Variants in THSD7A observed in about 807,000 individuals in gnomAD.
The protein encoded by THSD7A is thrombospondin type 1 domain containing 7A.
In THSD7A, 96 loss-of-function variants were observed where a neutral mutation model predicts 231.3. That is an observed-to-expected ratio of 0.41 (90% CI 0.35 to 0.49). The LOEUF (loss-of-function observed/expected upper bound fraction) is 0.49, where lower values mean the gene tolerates loss of function less well. Ranked by LOEUF, THSD7A falls within the 20% of genes least tolerant of loss-of-function variation. THSD7A has a pLI of 0.05. For missense variants in THSD7A, 2,290 were observed against 2,070.2 expected (o/e 1.11, Z -2.06); for synonymous variants, 940 against 743.3 (o/e 1.26, Z -4.30).
intron 16 of THSD7A, among the ~76,000 whole-genome samples, chr7:11,418,772 TTAATGAGCCTG>T (rs1006736425): frequency 6.6e-6 from 1 of 152,160 alleles, no homozygotes; most frequent in Admixed American, 6.5e-5. Context: ...TGGTCATGTC[TTAATGAGCCTG>T]TAGCCTGAAA....
intron 1 of THSD7A, among the ~76,000 whole-genome samples, chr7:11,802,710 C>G (rs546730001): frequency 6.6e-6 from 1 of 152,186 alleles, no homozygotes; most frequent in East Asian, 1.9e-4. Flanking sequence ...AATTCTGTGT[C>G]TATATGTTTT....
At chr7:11,551,109 A>G (rs1229462900) in intron 4 of THSD7A, among the ~76,000 whole-genome samples, 2 of 152,150 alleles carry the variant, frequency 1.3e-5, no homozygotes, top group African/African-American at 2.4e-5. Context: ...CTCCTGATTC[A>G]ATAAGTTATC....
At chr7:11,828,407 T>G (rs2128188973) in intron 1 of THSD7A, among the ~76,000 whole-genome samples, 1 of 152,304 alleles carries the variant, frequency 6.6e-6, no homozygotes, top group South Asian at 2.1e-4. Flanking sequence ...CACCTCATCC[T>G]TCAAGACCCA....
intron 6 of THSD7A, among the ~76,000 whole-genome samples, chr7:11,483,620 T>C (rs1202761949): frequency 6.6e-6 from 1 of 152,212 alleles, no homozygotes; most frequent in Non-Finnish European, 1.5e-5. Context: ...TTTAATATTT[T>C]ACACTTGACA....
intron 4 of THSD7A, among the ~76,000 whole-genome samples, chr7:11,544,680 T>C (rs995285655): frequency 1.3e-5 from 2 of 152,192 alleles, no homozygotes; most frequent in African/African-American, 4.8e-5. Flanking sequence ...CAGTCATAAA[T>C]GCTATCTAAA....
intron 6 of THSD7A, among the ~76,000 whole-genome samples, chr7:11,507,790 A>C (rs893379359): frequency 4.6e-5 from 7 of 152,196 alleles, no homozygotes; most frequent in Non-Finnish European, 7.3e-5. Flanking sequence ...TTCACAACTT[A>C]TGGATGGGAA....
chr7:11,422,702 G>C (rs955987709), intron 16 of THSD7A, among the ~76,000 whole-genome samples: 10 of 152,020 alleles, frequency 6.6e-5, no homozygotes, highest in African/African-American at 2.4e-4. Context: ...GGCCAGGCTG[G>C]AGGGCAGTAG....
In THSD7A at chr7:11,636,082, G is replaced by T; in HGVS notation, c.1022+48C>A. On this transcript the variant is annotated intron_variant, in intron 2 of 27. Transcript: ENST00000423059. This position sits in a 1 kb window ranked among gnomAD's most constrained non-coding sequence, Gnocchi z 10.0. ...AGTACCGGATATCTTAGGTACTCAT[G>T]ATTCTTGACAGACAAGCCTGTGTAG... 1.3e-6 allele frequency: 2 copies of T among 1,519,564 alleles called. No homozygotes were observed. The highest frequency in any genetic ancestry group is 1.3e-5 in the South Asian group (1 of 79,112). The allele number at this position is 1,519,564 out of a possible 1,614,324, so 94.1% of individuals were successfully genotyped here.
At chr7:11,812,140 T>A (rs67373022) in intron 1 of THSD7A, among the ~76,000 whole-genome samples, 90,437 of 146,762 alleles carry the variant, frequency 0.62, 28,829 homozygotes, top group Middle Eastern at 0.7. Context: ...TGTGTGTGTG[T>A]GGGAGACAGA....
At chr7:11,776,271 G>A (rs766973091) in intron 1 of THSD7A, among the ~76,000 whole-genome samples, 4 of 152,150 alleles carry the variant, frequency 2.6e-5, no homozygotes, top group Non-Finnish European at 4.4e-5. Context: ...ATTTGTAGAA[G>A]TAGCTATTCT....
chr7:11,715,208 T>C (rs1478143779), intron 1 of THSD7A, among the ~76,000 whole-genome samples: 2 of 151,446 alleles, frequency 1.3e-5, no homozygotes, highest in Admixed American at 6.6e-5. Flanking sequence ...TGTTTTCCTC[T>C]GAAAGCTGAG....
intron 1 of THSD7A, among the ~76,000 whole-genome samples, chr7:11,787,759 C>T (rs1458081496): frequency 1.3e-5 from 2 of 152,010 alleles, no homozygotes; most frequent in East Asian, 3.9e-4. Context: ...ACATCTAAAG[C>T]TGGTAAGGAC....
chr7:11,811,084 A>G (rs1398864949), intron 1 of THSD7A, among the ~76,000 whole-genome samples: 1 of 152,188 alleles, frequency 6.6e-6, no homozygotes, highest in East Asian at 1.9e-4. Context: ...TATGTGGCAT[A>G]TGATGTTAAT....
chr7:11,698,499 T>A (rs1446052303), intron 1 of THSD7A, among the ~76,000 whole-genome samples: 2 of 151,412 alleles, frequency 1.3e-5, no homozygotes, highest in African/African-American at 4.8e-5. Context: ...AGCTGACAGA[T>A]GTGACAAAAT....
intron 1 of THSD7A, among the ~76,000 whole-genome samples, chr7:11,805,242 G>A (rs575192054): frequency 2.6e-5 from 4 of 152,124 alleles, no homozygotes; most frequent in Non-Finnish European, 5.9e-5. Flanking sequence ...TTCCAAAGGA[G>A]AGTTGAAGGA....
intron 6 of THSD7A, among the ~76,000 whole-genome samples, chr7:11,489,439 T>A (rs1786797749): frequency 6.6e-6 from 1 of 152,108 alleles, no homozygotes; most frequent in African/African-American, 2.4e-5. Context: ...TTGTAATGTA[T>A]GTAAATCTTC....
At chr7:11,542,588 A>G (rs1789199012) in intron 5 of THSD7A, among the ~76,000 whole-genome samples, 1 of 152,210 alleles carries the variant, frequency 6.6e-6, no homozygotes, top group Non-Finnish European at 1.5e-5. Flanking sequence ...TCTGGATGGC[A>G]GATATTGTTA....
At chr7:11,533,107 A>C (rs1045383135) in intron 6 of THSD7A, among the ~76,000 whole-genome samples, 2 of 152,160 alleles carry the variant, frequency 1.3e-5, no homozygotes, top group Admixed American at 6.5e-5. Context: ...GCATAAAGTG[A>C]TATCCAATGA....
chr7:11,784,070 A>G (rs1295904641), intron 1 of THSD7A, among the ~76,000 whole-genome samples: 2 of 151,952 alleles, frequency 1.3e-5, no homozygotes, highest in Non-Finnish European at 2.9e-5. Flanking sequence ...ATCGCACAGA[A>G]AGTTACAAAA....
Sources: allele counts gnomAD v4.1 joint callset (sites outside exome capture counted in the v4.1 genomes callset), GRCh38; gene constraint gnomAD v4.1.1; non-coding constraint Gnocchi (gnomAD v3.1); transcripts MANE v1.5; gene names NCBI Gene and HGNC (gene_info 2026-07-23, HGNC 2026-07-21).